The following PCNT variants were observed in gnomAD, a reference collection of about 807,000 sequenced individuals.
The protein encoded by PCNT is pericentrin, also known as kendrin.
A neutral mutation model predicts 380.4 loss-of-function variants in PCNT; 319 were observed. The ratio of observed to expected loss-of-function variants is 0.84; its 90% CI spans 0.77 to 0.92. PCNT has a LOEUF of 0.92. PCNT is among the 40% of genes least tolerant of loss of function. PCNT has a pLI of 0.00. For missense variants in PCNT, 4,400 were observed against 4,255.3 expected (o/e 1.03, Z -0.95); for synonymous variants, 1,845 against 1,735.2 (o/e 1.06, Z -1.57).
chr21:46,349,811 A>G lies in PCNT; in HGVS notation c.1335A>G (p.Lys445=), dbSNP rs771882821. The G allele has an allele frequency of 1.8e-5, 29 of 1,614,148 alleles. No individual in the cohort carries two copies. In the Middle Eastern group the frequency reaches 1.3e-3, roughly 73 times the overall value. The change falls in exon 8 of 47, where the codon AAA becomes AAG. Residue 445 remains lysine, a synonymous_variant. Transcript: ENST00000359568. ...AGTTCAAAGAGAGCGAGAAAGAAAA[A>G]CAGCTGGAGGTGGGCAGCAGCTTCG... ...EFKFKESEKE[K]QLELENLQAS...
At chr21:46,438,109 A>C in intron 40 of PCNT, 55 bp from the exon 41 acceptor site, 1 of 1,370,322 alleles carries the variant, frequency 7.3e-7, no homozygotes, top group Non-Finnish European at 1.0e-6. Context: ...AAACACAAGT[A>C]ATGTTCATGC....
intron 25 of PCNT, 73 bp from the exon 26 acceptor site, chr21:46,401,478 C>CT: frequency 8.1e-7 from 1 of 1,230,188 alleles, no homozygotes; most frequent in Non-Finnish European, 1.2e-6. Context: ...ATGGTCTGTG[C>CT]TTTAACAGGC....
intron 39 of PCNT, among the ~76,000 whole-genome samples, chr21:46,436,485 C>T (rs1196938666): frequency 3.5e-5 from 3 of 86,796 alleles, no homozygotes; most frequent in African/African-American, 1.1e-4. Context: ...CCCCCCCCCC[C>T]CCCGCTGGCA....
chr21:46,372,666 G>A (rs2085192819), intron 15 of PCNT, among the ~76,000 whole-genome samples: 1 of 152,224 alleles, frequency 6.6e-6, no homozygotes, highest in South Asian at 2.1e-4. Context: ...ATAAAGTAAG[G>A]TTTTGAACCT....
chr21:46,416,099 C>T lies in PCNT; in HGVS notation c.6181C>T (p.Leu2061=), dbSNP rs758377295. Residue 2061 remains leucine, a synonymous_variant, in exon 30 of 47, where the codon CTG becomes TTG. Coordinates refer to ENST00000359568, the MANE Select transcript of PCNT (RefSeq NM_006031.6). The part of the protein sequence containing the change: ...GKEKVLEDCQ[L]PKVDLVAQVK... Reference sequence around the variant, plus strand: ...AGAAAAAGTACTGGAAGATTGTCAGCTGCCGAAGGTCGATCTCGTAGCTCA... The same window carrying T: ...AGAAAAAGTACTGGAAGATTGTCAGTTGCCGAAGGTCGATCTCGTAGCTCA... 2.5e-6 allele frequency: 4 copies of T among 1,614,066 alleles called. No homozygotes were observed. The highest frequency in any genetic ancestry group is 3.4e-6 in the Non-Finnish European group (4 of 1,180,050).
chr21:46,350,444 T>G (rs1228887753), intron 8 of PCNT, among the ~76,000 whole-genome samples: 1 of 152,164 alleles, frequency 6.6e-6, no homozygotes, highest in Non-Finnish European at 1.5e-5. Flanking sequence ...GCTGTGTGTA[T>G]TCAAGATGCT....
At chr21:46,427,519 C>A in intron 33 of PCNT, 103 bp from the exon 34 acceptor site, 1 of 1,324,412 alleles carries the variant, frequency 7.6e-7, no homozygotes, top group Non-Finnish European at 1.1e-6. Context: ...CCTGAATCAC[C>A]TCCCGCAGGC....
At chr21:46,401,828 C>T in intron 26 of PCNT, 107 bp downstream of exon 26, 1 of 1,031,472 alleles carries the variant, frequency 9.7e-7, no homozygotes. Flanking sequence ...GGCTTGTGAC[C>T]ACTGTGTATT....
chr21:46,418,684 G>A (rs1387045398), intron 31 of PCNT, among the ~76,000 whole-genome samples: 7 of 152,246 alleles, frequency 4.6e-5, no homozygotes, highest in African/African-American at 7.2e-5. Context: ...AGACTGGGGC[G>A]GTGCACGCCA....
At chr21:46,391,535 G>T (rs1262026966) in intron 21 of PCNT, among the ~76,000 whole-genome samples, 159 bp downstream of exon 21, 1 of 152,220 alleles carries the variant, frequency 6.6e-6, no homozygotes, top group Non-Finnish European at 1.5e-5. Flanking sequence ...AGCTTGTGCG[G>T]ATCAGGTGAG....
rs570291592 is a variant in PCNT at position 46,382,567 on chromosome 21, G to A, written c.3312+727G>A. Among the ~76,000 whole-genome samples the A allele has an allele frequency of 3.7e-4, 52 of 141,822 alleles. 7 individuals carry two copies. Among genetic ancestry groups the A allele is most frequent in the African/African-American group, 1.3e-3 (51 of 38,488 alleles). 93.0% of individuals were successfully genotyped at this position (141,822 alleles called of 152,430 possible). On this transcript the variant is annotated intron_variant, in intron 16 of 46. Coordinates refer to ENST00000359568, the MANE Select transcript of PCNT (RefSeq NM_006031.6). ...GTTCAGTGGCGGAAGCACATTCACGGTGTTGTATATTCAGTGGCGGAAGCG... is the reference window on the plus strand; with the variant it reads ...GTTCAGTGGCGGAAGCACATTCACGATGTTGTATATTCAGTGGCGGAAGCG...
chr21:46,342,633 C>T (rs1450753617), intron 3 of PCNT, among the ~76,000 whole-genome samples: 1 of 151,854 alleles, frequency 6.6e-6, no homozygotes, highest in Non-Finnish European at 1.5e-5. Flanking sequence ...CTCCGCCTCC[C>T]GGGTTCAAGT....
At chr21:46,402,539 G>T in intron 27 of PCNT, 56 bp downstream of exon 27, 1 of 1,587,086 alleles carries the variant, frequency 6.3e-7, no homozygotes, top group South Asian at 1.1e-5. Context: ...TGCCGGTGCC[G>T]AGCGGCCACC....
rs1256298393 is a variant in PCNT at position 46,444,830 on chromosome 21, A to G, written c.9967+9A>G. On this transcript the variant is annotated intron_variant, in intron 46 of 46. Coordinates refer to ENST00000359568, the MANE Select transcript of PCNT (RefSeq NM_006031.6). The stretch of plus-strand genomic sequence containing the variant: ...GGGAGGGGTACTACCAGGTAATGCA[A>G]GTCCTCGCCGAGTATTTATTAAGCT... 2 of 1,612,648 alleles carry G rather than the reference A, an allele frequency of 1.2e-6. No homozygotes were observed. The highest frequency in any genetic ancestry group is 2.2e-5 in the East Asian group (1 of 44,872).
chr21:46,438,301 G>A lies in PCNT; in HGVS notation c.9237G>A (p.Leu3079=). 6.2e-7 allele frequency: 1 copy of A among 1,614,188 alleles called. No homozygotes were observed. The change falls in exon 41 of 47, where the codon TTG becomes TTA. Residue 3079 remains leucine, a synonymous_variant. Coordinates refer to ENST00000359568, the MANE Select transcript of PCNT (RefSeq NM_006031.6). ...LSRAVSKLEK[L]LKHHLQKGCS... is the part of the protein sequence containing the mutation. ...GAGCCGTGTCTAAGCTTGAGAAGTT[G>A]CTGAAGCACCATCTGCAGAAGGGCT...
intron 45 of PCNT, 78 bp from the exon 46 acceptor site, chr21:46,444,615 AG>A: frequency 6.5e-7 from 1 of 1,528,824 alleles, no homozygotes; most frequent in Non-Finnish European, 8.9e-7. Context: ...TTCTGCACTC[AG>A]TCACCATGGC....
intron 19 of PCNT, 111 bp downstream of exon 19, chr21:46,389,542 C>T: frequency 1.2e-6 from 1 of 802,222 alleles, no homozygotes; most frequent in Non-Finnish European, 2.0e-6. Context: ...GGGTTTCTCC[C>T]CAAGGAGGAG....
chr21:46,345,460 T>C (rs1321979212), intron 3 of PCNT, among the ~76,000 whole-genome samples: 1 of 152,166 alleles, frequency 6.6e-6, no homozygotes, highest in Non-Finnish European at 1.5e-5. Context: ...TCAGGTAATC[T>C]GCCTGCCTCG....
In PCNT at chr21:46,399,776, A is replaced by T. The variant is rs759036569; in HGVS notation, c.4771A>T (p.Ile1591Phe). ...GGAAGAAGTGGAAAAACAGAAAAAC[A>T]TCGTGAAAGGGCTGGAACAGGTAAA... ...LQEEVEKQKN[I>F]VKGLEQDKEV... Residue 1591 changes from isoleucine (I) to phenylalanine (F), a missense_variant, in exon 25 of 47, where the codon ATC (isoleucine) becomes TTC (phenylalanine). Coordinates refer to ENST00000359568, the MANE Select transcript of PCNT (RefSeq NM_006031.6). 2 of 1,614,088 alleles carry T rather than the reference A, an allele frequency of 1.2e-6. No individual in the cohort carries two copies. Among genetic ancestry groups the T allele is most frequent in the East Asian group, 4.5e-5 (2 of 44,884 alleles).
Sources: gnomAD v4.1 joint callset for allele counts (sites outside exome capture counted in the v4.1 genomes callset) on GRCh38, gnomAD v4.1.1 for gene constraint, MANE v1.5 for transcripts, NCBI Gene and HGNC (gene_info 2026-07-23, HGNC 2026-07-21) for gene names.